CAMSAP1: variants seen among roughly 807,000 people sequenced by gnomAD.
CAMSAP1 encodes the protein calmodulin regulated spectrin associated protein 1, also known as calmodulin-regulated spectrin-associated protein 1.
A neutral mutation model predicts 143.5 loss-of-function variants in CAMSAP1; 58 were observed. The observed-to-expected ratio is 0.40, with a 90% CI of 0.33 to 0.50. CAMSAP1 has a LOEUF of 0.50. Among genes scored for constraint, CAMSAP1 ranks in the 20% least tolerant of loss-of-function variants. The pLI is 0.45. For missense variants in CAMSAP1, 1,969 were observed against 2,115.7 expected, an observed-to-expected ratio of 0.93 and a Z score of 1.36; for synonymous variants, 945 against 859.3, an observed-to-expected ratio of 1.10 and a Z score of -1.74.
chr9:135,888,050 C>T (rs545527888), intron 1 of CAMSAP1, among the ~76,000 whole-genome samples: 3 of 152,218 alleles, frequency 2.0e-5, no homozygotes, highest in East Asian at 1.9e-4. Context: ...TGGCAACTGA[C>T]GGAGAGCAGG....
intron 1 of CAMSAP1, among the ~76,000 whole-genome samples, chr9:135,898,955 A>G (rs1056453044): frequency 1.3e-5 from 2 of 152,224 alleles, no homozygotes; most frequent in Non-Finnish European, 2.9e-5. Context: ...CCAGATAATC[A>G]CCAACAGATG....
At chr9:135,865,512 G>T in intron 4 of CAMSAP1, 1 of 689,500 alleles carries the variant, frequency 1.5e-6, no homozygotes, top group Non-Finnish European at 2.5e-6. Context: ...AGTGTACGTG[G>T]CCATAGTCAT....
intron 7 of CAMSAP1, among the ~76,000 whole-genome samples, chr9:135,835,618 G>A (rs1268452602): frequency 1.3e-5 from 2 of 152,352 alleles, no homozygotes; most frequent in East Asian, 3.9e-4. Context: ...GCTAAGAGCA[G>A]CTGTGCCCCC....
At chr9:135,863,385 G>A (rs1185352413) in intron 4 of CAMSAP1, among the ~76,000 whole-genome samples, 3 of 152,178 alleles carry the variant, frequency 2.0e-5, no homozygotes, top group African/African-American at 7.2e-5. Flanking sequence ...CAAACAGCCT[G>A]CAGTACACTG....
intron 4 of CAMSAP1, chr9:135,865,359 G>A: frequency 6.4e-7 from 1 of 1,550,666 alleles, no homozygotes. Flanking sequence ...ACCACTTGGA[G>A]GGAGACTGCT....
intron 1 of CAMSAP1, among the ~76,000 whole-genome samples, chr9:135,884,959 C>A (rs2130991799): frequency 6.6e-6 from 1 of 152,288 alleles, no homozygotes; most frequent in East Asian, 1.9e-4. Flanking sequence ...GATCCCATAA[C>A]CTGAAAACGT....
chr9:135,840,094 T>C (rs1836285169), intron 7 of CAMSAP1, among the ~76,000 whole-genome samples: 1 of 152,198 alleles, frequency 6.6e-6, no homozygotes, highest in Non-Finnish European at 1.5e-5. Flanking sequence ...ATGGACCCCT[T>C]GCAGCCTGGA....
At chr9:135,878,689 G>C (rs778301945) in intron 3 of CAMSAP1, among the ~76,000 whole-genome samples, 12 of 152,306 alleles carry the variant, frequency 7.9e-5, no homozygotes, top group Non-Finnish European at 1.6e-4. Context: ...TAGGAACACA[G>C]CGCGGGTGAG....
At chr9:135,853,364 G>C (rs1473990800) in intron 5 of CAMSAP1, among the ~76,000 whole-genome samples, 1 of 152,210 alleles carries the variant, frequency 6.6e-6, no homozygotes, top group Non-Finnish European at 1.5e-5. Context: ...CTGGGGATCT[G>C]TGTGCCAACG....
At chr9:135,899,036 A>G (rs1426207025) in intron 1 of CAMSAP1, among the ~76,000 whole-genome samples, 1 of 152,242 alleles carries the variant, frequency 6.6e-6, no homozygotes, top group African/African-American at 2.4e-5. Flanking sequence ...TCTACACAAC[A>G]TGAATTTCAA....
At position 135,822,115 on chromosome 9, in the gene CAMSAP1, G is replaced by C. The variant is rs1835491130; in HGVS notation, c.2546C>G (p.Pro849Arg). The stretch of plus-strand genomic sequence containing the variant: ...CTGCCTCCACGTCGTCAGAGGGGCT[G>C]GGCAGCTCTCAGACGCATCTGGCGT... ...KTTPDASESC[P>R]APLTTWRQKR... Residue 849 changes from proline (P) to arginine (R), a missense_variant, in exon 11 of 17, where the codon CCA becomes CGA. This residue lies in a region of CAMSAP1 where 1,390 missense variants were observed against 1,420.8 expected (regional missense o/e 0.98). Transcript: ENST00000389532. This position sits in a 1 kb window ranked among gnomAD's most constrained non-coding sequence, Gnocchi z 6.1. 1.9e-6 allele frequency: 3 copies of C among 1,612,644 alleles called. No homozygotes were observed. The highest frequency in any genetic ancestry group is 2.5e-6 in the Non-Finnish European group (3 of 1,179,790).
chr9:135,907,126 C>T lies in CAMSAP1; in HGVS notation c.34G>A (p.Gly12Ser). 8.9e-7 allele frequency: 1 copy of T among 1,120,938 alleles called. No homozygotes were observed. The highest frequency in any genetic ancestry group is 1.1e-6 in the Non-Finnish European group (1 of 913,930). 69.4% of individuals were successfully genotyped at this position (1,120,938 alleles called of 1,614,324 possible). A position where few individuals can be genotyped will look rare whatever the true frequency, so the allele number is the denominator to read the frequency against. Reference protein sequence around the residue: ...VDASGRAAAEGWRKMEAPPDG... With the variant: ...VDASGRAAAESWRKMEAPPDG... ...GGCGGGGCCTCCATCTTCCTCCAGC[C>T]CTCGGCGGCGGCGCGGCCGCTCGCG... is the stretch of plus-strand genomic sequence containing the variant. Residue 12 changes from glycine (G) to serine (S), a missense_variant, in exon 1 of 17, where the codon GGC (glycine) becomes AGC (serine). Physicochemically the swap from Gly to Ser is moderately conservative, Grantham distance 56. Around this residue, in one of 4 missense-constraint regions of CAMSAP1, gnomAD observed 215 missense variants for 196.2 expected, o/e 1.10. Coordinates refer to ENST00000389532, the MANE Select transcript of CAMSAP1 (RefSeq NM_015447.4).
intron 7 of CAMSAP1, among the ~76,000 whole-genome samples, chr9:135,849,568 T>C (rs528795521): frequency 6.6e-6 from 1 of 152,338 alleles, no homozygotes; most frequent in Admixed American, 6.5e-5. Context: ...CTTTATATAT[T>C]CTGGATACTA....
At chr9:135,873,342 C>T (rs1837627854) in intron 3 of CAMSAP1, among the ~76,000 whole-genome samples, 1 of 152,080 alleles carries the variant, frequency 6.6e-6, no homozygotes, top group African/African-American at 2.4e-5. Context: ...AGAGAGGAAT[C>T]GACAGCTTTA....
Position 135,861,237 on chromosome 9 carries a change from C to G in CAMSAP1, c.808+1230G>C, listed in dbSNP as rs375983777. Among the ~76,000 whole-genome samples, 92 of 152,320 alleles carry G rather than the reference C, an allele frequency of 6.0e-4. No individual in the cohort carries two copies. The South Asian group carries it at 0.018, about 30-fold the overall frequency. ...GCCCAAGGGGCCCCAGGGCACCTACCTGTCCTCCACTCATGAGTTTTCACT... is the reference window on the plus strand; with the variant it reads ...GCCCAAGGGGCCCCAGGGCACCTACGTGTCCTCCACTCATGAGTTTTCACT... On this transcript the variant is annotated intron_variant, in intron 5 of 16. Coordinates refer to ENST00000389532, the MANE Select transcript of CAMSAP1 (RefSeq NM_015447.4).
At position 135,808,622 on chromosome 9, in the gene CAMSAP1, TAC is replaced by T. The variant is rs1435332770; in HGVS notation, c.*2685_*2686del. On this transcript the variant is annotated 3_prime_UTR_variant, in exon 17 of 17. Transcript: ENST00000389532. ...TTTTCAATTTTGCCTGAGTGAAGAATACAGTTTGGGCCTGAAGTCTGCTAAGA... is the reference window on the plus strand; with the variant it reads ...TTTTCAATTTTGCCTGAGTGAAGAATAGTTTGGGCCTGAAGTCTGCTAAGA... The T allele has an allele frequency of 3.9e-5, 6 of 152,238 alleles. No homozygotes were observed. The highest frequency in any genetic ancestry group is 7.3e-5 in the Non-Finnish European group (5 of 68,048). The allele number at this position is 152,238 out of a possible 1,614,324, so 9.4% of individuals were successfully genotyped here. A position where few individuals can be genotyped will look rare whatever the true frequency, so the allele number is the denominator to read the frequency against.
chr9:135,881,674 G>C lies in CAMSAP1; in HGVS notation c.544C>G (p.Pro182Ala), dbSNP rs1344428601. 2 of 1,551,762 alleles carry C rather than the reference G, an allele frequency of 1.3e-6. No homozygotes were observed. The highest frequency in any genetic ancestry group is 1.2e-5 in the South Asian group (1 of 84,066). ...ACCATGGCATCCTCGAGGTCGTACG[G>C]AAGTTCTTTCGAGGCACTGAACGTT... is the stretch of plus-strand genomic sequence containing the variant. ...FSTFSASKEL[P>A]YDLEDAMVFW... is the part of the protein sequence containing the mutation. The change falls in exon 3 of 17, where the codon CCG (proline) becomes GCG (alanine). Residue 182 changes from proline (P) to alanine (A), a missense_variant. This residue lies in a region of CAMSAP1 where 221 missense variants were observed against 298.2 expected (regional missense o/e 0.74). Coordinates refer to ENST00000389532, the MANE Select transcript of CAMSAP1 (RefSeq NM_015447.4).
intron 1 of CAMSAP1, among the ~76,000 whole-genome samples, chr9:135,892,983 A>T (rs1177803068): frequency 6.6e-6 from 1 of 152,014 alleles, no homozygotes; most frequent in African/African-American, 2.4e-5. Flanking sequence ...AGCCTAGGCA[A>T]CATGATGAGA....
At chr9:135,855,658 T>C (rs1185694186) in intron 5 of CAMSAP1, among the ~76,000 whole-genome samples, 5 of 151,104 alleles carry the variant, frequency 3.3e-5, no homozygotes. Flanking sequence ...CAAGAATTGC[T>C]TGAATCCAGG....
Sources: allele counts gnomAD v4.1 joint callset (sites outside exome capture counted in the v4.1 genomes callset), GRCh38; gene constraint gnomAD v4.1.1; regional missense constraint gnomAD v4.1.1; non-coding constraint Gnocchi (gnomAD v3.1); transcripts MANE v1.5; gene names NCBI Gene and HGNC (gene_info 2026-07-23, HGNC 2026-07-21).